The following GPATCH2 variants were observed in gnomAD, a reference collection of about 807,000 sequenced individuals.
GPATCH2 encodes the protein G-patch domain containing 2.
Under a neutral mutation model 58.0 loss-of-function variants are expected in GPATCH2, and 51 were observed. The observed-to-expected ratio is 0.88, with a 90% confidence interval of 0.70 to 1.11. The LOEUF is 1.11. Among genes scored for constraint, GPATCH2 ranks in the 50% most tolerant of loss-of-function variants. The pLI is 0.00. For synonymous variants in GPATCH2, 222 were observed against 218.5 expected, an observed-to-expected ratio of 1.02 and a Z score of -0.14; for missense variants, 625 against 652.2, an observed-to-expected ratio of 0.96 and a Z score of 0.45.
chr1:217,470,724 A>G (rs1228919914), intron 8 of GPATCH2, among the ~76,000 whole-genome samples: 1 of 152,166 alleles, frequency 6.6e-6, no homozygotes, highest in Non-Finnish European at 1.5e-5. Flanking sequence ...GATTAATTAA[A>G]TCCCTTAAAA....
At chr1:217,587,178 C>T (rs1282893360) in intron 5 of GPATCH2, among the ~76,000 whole-genome samples, 3 of 152,118 alleles carry the variant, frequency 2.0e-5, no homozygotes, top group Non-Finnish European at 2.9e-5. Flanking sequence ...AGGTTCCCAA[C>T]AGCATTTCCA....
chr1:217,546,283 T>C (rs2102655733), intron 5 of GPATCH2, among the ~76,000 whole-genome samples: 1 of 152,080 alleles, frequency 6.6e-6, no homozygotes, highest in South Asian at 2.1e-4. Context: ...TTCACAGAAC[T>C]AGAAAAAAAC....
At chr1:217,521,121 C>T (rs1663433406) in intron 5 of GPATCH2, among the ~76,000 whole-genome samples, 2 of 152,200 alleles carry the variant, frequency 1.3e-5, no homozygotes, top group Non-Finnish European at 2.9e-5. Flanking sequence ...ACTGGGATTA[C>T]AGGCATGAGC....
intron 5 of GPATCH2, among the ~76,000 whole-genome samples, chr1:217,580,075 G>A (rs1286341241): frequency 6.6e-6 from 1 of 152,074 alleles, no homozygotes; most frequent in Non-Finnish European, 1.5e-5. Context: ...ACATTTTCAG[G>A]ATAAAAATCA....
chr1:217,549,626 T>C (rs1225648657), intron 5 of GPATCH2, among the ~76,000 whole-genome samples: 1 of 152,200 alleles, frequency 6.6e-6, no homozygotes, highest in African/African-American at 2.4e-5. Flanking sequence ...CATTCATTCA[T>C]TCACTCATTC....
intron 7 of GPATCH2, among the ~76,000 whole-genome samples, chr1:217,493,658 A>G (rs1043992325): frequency 6.6e-6 from 1 of 152,174 alleles, no homozygotes; most frequent in Admixed American, 6.5e-5. Flanking sequence ...AAGTGTTTCA[A>G]TTTAGAAACA....
At position 217,620,392 on chromosome 1, in the gene GPATCH2, C is replaced by T. The variant is rs954362223; in HGVS notation, c.164G>A (p.Arg55Gln). 7 of 1,613,980 alleles carry T rather than the reference C, an allele frequency of 4.3e-6. No individual in the cohort carries two copies. The highest frequency in any genetic ancestry group is 2.7e-5 in the African/African-American group (2 of 74,992). The change falls in exon 2 of 10, where the codon CGA (arginine) becomes CAA (glutamine). Residue 55 changes from arginine to glutamine, a missense_variant. By Grantham distance (43) the Arg-to-Gln change is conservative. Transcript: ENST00000366935. The stretch of plus-strand genomic sequence containing the variant: ...GCGTTTCAGAGGGCAAGATATACTT[C>T]GAGAATGGTCTCCTGTTTCAGCAAA... ...GGFAETGDHS[R>Q]SISCPLKRQA...
intron 9 of GPATCH2, among the ~76,000 whole-genome samples, chr1:217,433,837 G>A (rs536804923): frequency 5.3e-5 from 8 of 152,376 alleles, no homozygotes; most frequent in African/African-American, 1.7e-4. Context: ...GGAACAGCAA[G>A]TGAGTCACGC....
At chr1:217,535,469 C>A (rs1232586033) in intron 5 of GPATCH2, among the ~76,000 whole-genome samples, 2 of 152,170 alleles carry the variant, frequency 1.3e-5, no homozygotes, top group Admixed American at 1.3e-4. Context: ...CCTGCCTCAG[C>A]CTCCACAGTA....
intron 5 of GPATCH2, among the ~76,000 whole-genome samples, chr1:217,590,045 CA>C (rs1475724622): frequency 7.0e-6 from 1 of 143,510 alleles, no homozygotes; most frequent in African/African-American, 2.6e-5. Context: ...TTTTTTGAGA[CA>C]GTCTCACTCT....
chr1:217,604,992 C>T (rs1475639718), intron 5 of GPATCH2, among the ~76,000 whole-genome samples: 1 of 151,864 alleles, frequency 6.6e-6, no homozygotes, highest in African/African-American at 2.4e-5. Flanking sequence ...CCACTGCACT[C>T]CAGCCTTGGC....
intron 7 of GPATCH2, among the ~76,000 whole-genome samples, chr1:217,493,833 ATAATAGT>A (rs1316777518): frequency 2.0e-5 from 3 of 152,146 alleles, no homozygotes; most frequent in African/African-American, 7.2e-5. Context: ...TAAATTAATA[ATAATAGT>A]TAATAGTTAA....
At chr1:217,524,993 G>A (rs1280264575) in intron 5 of GPATCH2, among the ~76,000 whole-genome samples, 8 of 134,442 alleles carry the variant, frequency 6.0e-5, no homozygotes, top group African/African-American at 2.2e-4. Flanking sequence ...CTTCTCGTGT[G>A]TGGGAAAATT....
chr1:217,580,752 T>TA (rs1169414759), intron 5 of GPATCH2, among the ~76,000 whole-genome samples: 1 of 109,916 alleles, frequency 9.1e-6, no homozygotes, highest in African/African-American at 3.0e-5. Context: ...GAATCTCCTG[T>TA]AATCCCAGCA....
chr1:217,584,344 A>AAAAAAAAAAAATATATATATAT (rs1463910405), intron 5 of GPATCH2, among the ~76,000 whole-genome samples: 10 of 101,830 alleles, frequency 9.8e-5, no homozygotes, highest in East Asian at 1.2e-3. Context: ...AAAAAAAAAA[A>AAAAAAAAAAAATATATATATAT]ATATATATAT....
At chr1:217,467,799 A>G (rs1660531631) in intron 8 of GPATCH2, among the ~76,000 whole-genome samples, 1 of 152,184 alleles carries the variant, frequency 6.6e-6, no homozygotes, top group Admixed American at 6.5e-5. Flanking sequence ...ATTATAGTAA[A>G]GGAATCAGCA....
At chr1:217,535,867 T>C (rs1664434863) in intron 5 of GPATCH2, among the ~76,000 whole-genome samples, 1 of 152,240 alleles carries the variant, frequency 6.6e-6, no homozygotes. Context: ...TCATCGCCGC[T>C]ACTGATTTCA....
At chr1:217,465,303 T>C (rs1660396404) in intron 8 of GPATCH2, among the ~76,000 whole-genome samples, 1 of 152,150 alleles carries the variant, frequency 6.6e-6, no homozygotes, top group African/African-American at 2.4e-5. Flanking sequence ...AAGTGATAGC[T>C]ACGGAAGATA....
At position 217,528,291 on chromosome 1, in the gene GPATCH2, C is replaced by A. The variant is rs139620089; in HGVS notation, c.1099-13402G>T. On this transcript the variant is annotated intron_variant, in intron 5 of 9. Coordinates refer to ENST00000366935, the MANE Select transcript of GPATCH2 (RefSeq NM_018040.5). ...CATCATCAGACTCTGTTAAGGGTAGCCAAGTAAAAATAACTAAAAAGACAC... is the reference window on the plus strand; with the variant it reads ...CATCATCAGACTCTGTTAAGGGTAGACAAGTAAAAATAACTAAAAAGACAC... Among the ~76,000 whole-genome samples, 1,108 of 152,204 alleles carry A rather than the reference C, an allele frequency of 7.3e-3. 4 individuals carry two copies. The highest frequency in any genetic ancestry group is 0.012 in the Non-Finnish European group (843 of 68,010).
Sources: gnomAD v4.1 joint callset for allele counts (sites outside exome capture counted in the v4.1 genomes callset) on GRCh38, gnomAD v4.1.1 for gene constraint, MANE v1.5 for transcripts, NCBI Gene and HGNC (gene_info 2026-07-23, HGNC 2026-07-21) for gene names.